ARHGEF33: variants seen among roughly 807,000 people sequenced by gnomAD.
The protein encoded by ARHGEF33 is DH and coiled-coil domain-containing protein ENSP00000381780.
In ARHGEF33, 72 loss-of-function variants were observed where a neutral mutation model predicts 101.9. That is an observed-to-expected ratio of 0.71 (90% CI 0.58 to 0.86). The LOEUF (loss-of-function observed/expected upper bound fraction) is 0.86, where lower values mean the gene tolerates loss of function less well. ARHGEF33 is among the 40% of genes least tolerant of loss of function. The probability of loss-of-function intolerance (pLI) is 0.00; values close to 1 mark genes in which losing one functional copy is unlikely to be tolerated. For synonymous variants in ARHGEF33, 499 were observed against 442.5 expected, an observed-to-expected ratio of 1.13 and a Z score of -1.60; for missense variants, 1,169 against 1,111.3, an observed-to-expected ratio of 1.05 and a Z score of -0.74.
intron 14 of ARHGEF33, 128 bp downstream of exon 14, chr2:38,957,175 G>T (rs915937507): frequency 2.6e-6 from 3 of 1,176,202 alleles, no homozygotes; most frequent in Middle Eastern, 2.1e-4. Flanking sequence ...GAGAGAAGGG[G>T]AGAGAAAGAG....
chr2:38,943,866 G>A (rs903566140), intron 9 of ARHGEF33, 35 bp from the exon 10 acceptor site: 1 of 1,543,004 alleles, frequency 6.5e-7, no homozygotes, highest in African/African-American at 1.4e-5. Context: ...GGAAGAAATG[G>A]TTAATATCAA....
chr2:38,959,782 G>A (rs1200710125), intron 15 of ARHGEF33, 59 bp from the exon 16 acceptor site: 6 of 1,444,728 alleles, frequency 4.2e-6, no homozygotes, highest in Non-Finnish European at 4.6e-6. Flanking sequence ...CGGCAGGCGA[G>A]AGGCCTGCAC....
At chr2:38,927,266 G>A (rs1226576209) in intron 4 of ARHGEF33, among the ~76,000 whole-genome samples, 2 of 152,196 alleles carry the variant, frequency 1.3e-5, no homozygotes, top group Non-Finnish European at 2.9e-5. Flanking sequence ...AGGAGACAAA[G>A]TCACTGTATA....
intron 9 of ARHGEF33, among the ~76,000 whole-genome samples, chr2:38,943,548 G>A (rs200340052): frequency 6.7e-6 from 1 of 148,634 alleles, no homozygotes; most frequent in Non-Finnish European, 1.5e-5. Flanking sequence ...GGTATGGGGG[G>A]TGAGGATCTG....
At chr2:38,919,256 T>A in intron 2 of ARHGEF33, 107 bp from the exon 3 acceptor site, 1 of 547,414 alleles carries the variant, frequency 1.8e-6, no homozygotes, top group Non-Finnish European at 3.3e-6. Flanking sequence ...TGAAATTGCA[T>A]GTACCTCAAG....
In ARHGEF33 at chr2:38,944,355, G is replaced by A. The variant is rs1434145454; in HGVS notation, c.920+325G>A. ...GTGTCTTCCAGAGAGGAGGAACATT[G>A]CAGCCTTACATGGCAGAAGATCAGG... On this transcript the variant is annotated intron_variant, in intron 10 of 17. Coordinates refer to ENST00000409978, the MANE Select transcript of ARHGEF33 (RefSeq NM_001145451.5). Among the ~76,000 whole-genome samples, 3 of 152,164 alleles carry A rather than the reference G, an allele frequency of 2.0e-5. No homozygotes were observed. The East Asian group carries it at 5.8e-4, about 29-fold the overall frequency.
At chr2:38,944,799 T>C (rs1383669010) in intron 10 of ARHGEF33, among the ~76,000 whole-genome samples, 1 of 151,784 alleles carries the variant, frequency 6.6e-6, no homozygotes, top group African/African-American at 2.4e-5. Context: ...ATTAGAGAAA[T>C]GACACAGGGC....
Position 38,949,717 on chromosome 2 carries a change from TGTAAA to T in ARHGEF33, c.921-1265_921-1261del, listed in dbSNP as rs1440045304. Among the ~76,000 whole-genome samples, 10 of 152,262 alleles carry T rather than the reference TGTAAA, an allele frequency of 6.6e-5. No homozygotes were observed. In the South Asian group the frequency reaches 1.2e-3, roughly 19 times the overall value. On this transcript the variant is annotated intron_variant, in intron 10 of 17. Coordinates refer to ENST00000409978, the MANE Select transcript of ARHGEF33 (RefSeq NM_001145451.5). ...AAAGAATAGCTGAGACTGGGTAATT[TGTAAA>T]GTAAAGAGGTTTAATTGGATCACGG... is the stretch of plus-strand genomic sequence containing the variant.
intron 12 of ARHGEF33, among the ~76,000 whole-genome samples, chr2:38,954,141 T>C (rs1449115811): frequency 6.6e-6 from 1 of 152,184 alleles, no homozygotes; most frequent in Non-Finnish European, 1.5e-5. Flanking sequence ...GTTTGGAAAT[T>C]TGGGTGGATT....
chr2:38,947,569 C>T (rs1390213455), intron 10 of ARHGEF33, among the ~76,000 whole-genome samples: 1 of 152,176 alleles, frequency 6.6e-6, no homozygotes, highest in African/African-American at 2.4e-5. Flanking sequence ...ATACCACTAA[C>T]AGCTACTTTT....
chr2:38,948,953 C>T (rs1030422247), intron 10 of ARHGEF33, among the ~76,000 whole-genome samples: 13 of 152,154 alleles, frequency 8.5e-5, no homozygotes, highest in African/African-American at 3.1e-4. Flanking sequence ...CCATTGTAAG[C>T]GCTCAGGTCA....
intron 1 of ARHGEF33, among the ~76,000 whole-genome samples, chr2:38,891,470 A>C (rs1478860043): frequency 1.3e-5 from 2 of 151,620 alleles, no homozygotes; most frequent in African/African-American, 4.9e-5. Flanking sequence ...TGCTTTTAGA[A>C]TCTTCAGAAA....
chr2:38,946,269 C>A (rs1386000749), intron 10 of ARHGEF33, among the ~76,000 whole-genome samples: 1 of 152,158 alleles, frequency 6.6e-6, no homozygotes, highest in Non-Finnish European at 1.5e-5. Context: ...CTAAATTGTT[C>A]TCTTATGACC....
chr2:38,906,819 A>T (rs1572741563), intron 2 of ARHGEF33, among the ~76,000 whole-genome samples: 1 of 151,688 alleles, frequency 6.6e-6, no homozygotes, highest in Middle Eastern at 3.4e-3. Flanking sequence ...AAAAAAAAAA[A>T]AAAAAAGGTC....
chr2:38,931,072 G>A (rs1426207565), intron 6 of ARHGEF33, 37 bp from the exon 7 acceptor site: 1 of 1,510,406 alleles, frequency 6.6e-7, no homozygotes. Flanking sequence ...CAGATATTAA[G>A]AACCAGAATA....
intron 2 of ARHGEF33, among the ~76,000 whole-genome samples, chr2:38,909,008 A>G (rs1431161609): frequency 6.6e-6 from 1 of 152,180 alleles, no homozygotes; most frequent in Non-Finnish European, 1.5e-5. Context: ...CACTTCCATA[A>G]ATATTTGTTG....
At chr2:38,944,087 G>T in intron 10 of ARHGEF33, 57 bp downstream of exon 10, 1 of 1,492,266 alleles carries the variant, frequency 6.7e-7, no homozygotes, top group Non-Finnish European at 8.9e-7. Flanking sequence ...AAGGTAAGTG[G>T]TTTATTGTTT....
At chr2:38,912,203 G>C (rs1666524551) in intron 2 of ARHGEF33, among the ~76,000 whole-genome samples, 1 of 152,252 alleles carries the variant, frequency 6.6e-6, no homozygotes, top group Non-Finnish European at 1.5e-5. Context: ...AAAGGAGGAA[G>C]GTCAGGGAGG....
At position 38,958,075 on chromosome 2, in the gene ARHGEF33, G is replaced by A; in HGVS notation, c.1412G>A (p.Cys471Tyr). The change falls in exon 15 of 18, where the codon TGT (cysteine) becomes TAT (tyrosine). Residue 471 changes from cysteine to tyrosine, a missense_variant. Physicochemically the swap from Cys to Tyr is radical, Grantham distance 194. Coordinates refer to ENST00000409978, the MANE Select transcript of ARHGEF33 (RefSeq NM_001145451.5). ...CTGTACAAAGGGCTGGCTTCCCAGT[G>A]TGCCAATGCTGGGCAAGATGCTTCC... ...AKLYKGLASQ[C>Y]ANAGQDASPT... 1 of 1,552,260 alleles carries A rather than the reference G, an allele frequency of 6.4e-7. No individual in the cohort carries two copies. Among genetic ancestry groups the A allele is most frequent in the South Asian group, 1.2e-5 (1 of 84,064 alleles).
Sources: gnomAD v4.1 joint callset for allele counts (sites outside exome capture counted in the v4.1 genomes callset) on GRCh38, gnomAD v4.1.1 for gene constraint, MANE v1.5 for transcripts, NCBI Gene and HGNC (gene_info 2026-07-23, HGNC 2026-07-21) for gene names.